The following MBNL1 variants were observed in gnomAD, a reference collection of about 807,000 sequenced individuals.
The protein encoded by MBNL1 is muscleblind-like protein 1.
MBNL1 carries 8 observed loss-of-function variants against 42.2 expected under a neutral mutation model. That is an observed-to-expected ratio of 0.19 (90% CI 0.11 to 0.34). The LOEUF is 0.34. Ranked by LOEUF, MBNL1 falls within the 10% of genes least tolerant of loss-of-function variation. The pLI is 1.00. For missense variants in MBNL1, 309 were observed against 495.3 expected (o/e 0.62, Z 3.57); for synonymous variants, 169 against 173.9 (o/e 0.97, Z 0.22).
At chr3:152,310,815 CTGTT>C (rs1374794795) in intron 2 of MBNL1, among the ~76,000 whole-genome samples, 1 of 151,154 alleles carries the variant, frequency 6.6e-6, no homozygotes, top group Non-Finnish European at 1.5e-5. Context: ...GAATAATAGA[CTGTT>C]TGGGGGGGTT....
chr3:152,285,526 C>T (rs1338606641), intron 1 of MBNL1, among the ~76,000 whole-genome samples: 2 of 150,998 alleles, frequency 1.3e-5, no homozygotes, highest in African/African-American at 4.9e-5. Context: ...TGTATGTCAA[C>T]ATATAAAATA....
chr3:152,312,835 T>G (rs865839534), intron 2 of MBNL1, among the ~76,000 whole-genome samples: 1 of 152,200 alleles, frequency 6.6e-6, no homozygotes, highest in South Asian at 2.1e-4. Flanking sequence ...TTGGCCTGTA[T>G]GCTCTTTTCT....
rs767006425 is a variant in MBNL1, at chr3:152,445,290, A to G, written c.558A>G (p.Arg186=). ...LMRTDRLEVC[R]EYQRGNCNRG... is the part of the protein sequence containing the mutation. ...ACTTAATGACCTCATAGGTATGTCG[A>G]GAGTACCAACGTGGCAATTGCAACC... The change falls in exon 5 of 10, where the codon CGA becomes CGG. Residue 186 remains arginine (R), a synonymous_variant. Coordinates refer to ENST00000324210, the MANE Select transcript of MBNL1 (RefSeq NM_021038.5). 3.7e-6 allele frequency: 6 copies of G among 1,613,648 alleles called. No homozygotes were observed.
rs200881287 is a variant in MBNL1 at position 152,432,808 on chromosome 3, C to T, written c.437C>T (p.Pro146Leu). 1 of 1,614,070 alleles carries T rather than the reference C, an allele frequency of 6.2e-7. No homozygotes were observed. The highest frequency in any genetic ancestry group is 8.5e-7 in the Non-Finnish European group (1 of 1,180,038). ...GGACCTGTTTCTCCAAGCCTGGTCC[C>T]GGCAGAGATCTTGCCGACTGCACCA... ...YLGPVSPSLV[P>L]AEILPTAPML... The change falls in exon 4 of 10, where the codon CCG becomes CTG. Residue 146 changes from proline to leucine, a missense_variant. Physicochemically the swap from Pro to Leu is moderately conservative, Grantham distance 98. Transcript: ENST00000324210.
At chr3:152,269,354 G>A (rs895826879) in intron 1 of MBNL1, 6 of 351,500 alleles carry the variant, frequency 1.7e-5, no homozygotes, top group Non-Finnish European at 2.8e-5. Flanking sequence ...CCCGCGCACG[G>A]CTTGGCAGCC....
intron 2 of MBNL1, among the ~76,000 whole-genome samples, chr3:152,392,960 A>C (rs1247706082): frequency 1.3e-5 from 2 of 152,198 alleles, no homozygotes; most frequent in Non-Finnish European, 2.9e-5. Flanking sequence ...AGCTTTTAAA[A>C]TGGTGTACAA....
At position 152,335,859 on chromosome 3, in the gene MBNL1, T is replaced by C. The variant is rs1375512291; in HGVS notation, c.174+35492T>C. On this transcript the variant is annotated intron_variant, in intron 2 of 9. Coordinates refer to ENST00000324210, the MANE Select transcript of MBNL1 (RefSeq NM_021038.5). ...TGTTTGGGAACTTACAGTGGCATAGTAAAGGTTCTGCCAAGTCATGGGGGA... is the reference window on the plus strand; with the variant it reads ...TGTTTGGGAACTTACAGTGGCATAGCAAAGGTTCTGCCAAGTCATGGGGGA... 2.6e-5 allele frequency among the ~76,000 whole-genome samples: 4 copies of C among 152,172 alleles called. No individual in the cohort carries two copies. In the East Asian group the frequency reaches 7.7e-4, roughly 29 times the overall value.
intron 4 of MBNL1, among the ~76,000 whole-genome samples, chr3:152,442,958 A>C (rs1418588120): frequency 6.7e-6 from 1 of 148,730 alleles, no homozygotes; most frequent in Non-Finnish European, 1.5e-5. Flanking sequence ...AGAAACCGTA[A>C]GCTGTAAAAA....
chr3:152,377,441 T>G (rs993866264), intron 2 of MBNL1, among the ~76,000 whole-genome samples: 2 of 152,212 alleles, frequency 1.3e-5, no homozygotes, highest in African/African-American at 2.4e-5. Context: ...CCATAGACCG[T>G]TAGTAAATTA....
intron 4 of MBNL1, among the ~76,000 whole-genome samples, chr3:152,440,119 G>A (rs1331342877): frequency 6.6e-6 from 1 of 152,098 alleles, no homozygotes; most frequent in African/African-American, 2.4e-5. Context: ...GTGTTTTCTG[G>A]CCTGAATAGT....
chr3:152,395,050 C>T (rs774605387), intron 2 of MBNL1, among the ~76,000 whole-genome samples: 10 of 151,942 alleles, frequency 6.6e-5, no homozygotes, highest in Admixed American at 2.0e-4. Context: ...TTAGTAGAGA[C>T]GGGTTTCACC....
intron 2 of MBNL1, chr3:152,340,906 G>A (rs2093016566): frequency 6.2e-7 from 1 of 1,603,780 alleles, no homozygotes; most frequent in African/African-American, 1.3e-5. Flanking sequence ...CATCTGCATT[G>A]TTCTCTTCTA....
At chr3:152,287,290 T>C (rs1393738619) in intron 1 of MBNL1, among the ~76,000 whole-genome samples, 1 of 152,092 alleles carries the variant, frequency 6.6e-6, no homozygotes, top group Non-Finnish European at 1.5e-5. Flanking sequence ...TTTAAAATAA[T>C]ATTAATAATC....
chr3:152,422,379 T>A lies in MBNL1; in HGVS notation c.345+7268T>A, dbSNP rs2098821393. Among the ~76,000 whole-genome samples the A allele has an allele frequency of 2.0e-5, 3 of 151,110 alleles. 1 individual carries two copies. In the South Asian group the frequency reaches 6.3e-4, roughly 32 times the overall value. The stretch of plus-strand genomic sequence containing the variant: ...AGGGCATTACATAATGGTAAAGGGA[T>A]CAATGCAACAAGAAGAGCTAACTAT... On this transcript the variant is annotated intron_variant, in intron 3 of 9. Transcript: ENST00000324210.
At chr3:152,264,526 A>G (rs1325614286), upstream of MBNL1, 12 of 152,128 alleles carry the variant, frequency 7.9e-5, no homozygotes, top group Admixed American at 7.9e-4. Flanking sequence ...AAAAAAGACA[A>G]TGAAAATGAA....
chr3:152,382,359 C>T (rs1229755177), intron 2 of MBNL1, among the ~76,000 whole-genome samples: 4 of 151,994 alleles, frequency 2.6e-5, no homozygotes, highest in Admixed American at 6.6e-5. Context: ...CCGTGTTCCT[C>T]GCCATAATAT....
At chr3:152,326,283 C>T (rs1055870611) in intron 2 of MBNL1, among the ~76,000 whole-genome samples, 3 of 152,014 alleles carry the variant, frequency 2.0e-5, no homozygotes, top group Non-Finnish European at 4.4e-5. Flanking sequence ...AAATTAGAGT[C>T]GAGTTTAACT....
chr3:152,382,806 T>C (rs1199664425), intron 2 of MBNL1, among the ~76,000 whole-genome samples: 2 of 152,180 alleles, frequency 1.3e-5, no homozygotes, highest in African/African-American at 2.4e-5. Flanking sequence ...TTGTTATCTT[T>C]AGCATTTTAT....
At chr3:152,362,514 T>C (rs922156488) in intron 2 of MBNL1, among the ~76,000 whole-genome samples, 1 of 152,212 alleles carries the variant, frequency 6.6e-6, no homozygotes, top group Non-Finnish European at 1.5e-5. Flanking sequence ...CTGAAGGATG[T>C]CAAATTGTTA....
Sources: allele counts gnomAD v4.1 joint callset (sites outside exome capture counted in the v4.1 genomes callset), GRCh38; gene constraint gnomAD v4.1.1; transcripts MANE v1.5; gene names NCBI Gene and HGNC (gene_info 2026-07-23, HGNC 2026-07-21).